The following CPQ variants were observed in gnomAD, a reference collection of about 807,000 sequenced individuals.
CPQ encodes the protein carboxypeptidase Q.
A neutral mutation model predicts 45.7 loss-of-function variants in CPQ; 37 were observed. The observed-to-expected ratio is 0.81, with a 90% CI of 0.62 to 1.07. The LOEUF is 1.07. Among genes scored for constraint, CPQ ranks in the 50% least tolerant of loss-of-function variants. The pLI is 0.00. For missense variants in CPQ, 537 were observed against 572.9 expected (o/e 0.94, Z 0.64); for synonymous variants, 186 against 205.8 (o/e 0.90, Z 0.82).
Position 96,767,635 on chromosome 8 carries a change from C to CTTTTTTTTTTTTTTTTTTT in CPQ, c.-34-17221_-34-17203dup, listed in dbSNP as rs1172189500. Reference sequence around the variant, plus strand: ...AATCCCTTTCAGCTGGTTACCTATGCTTTTTTTTTTTTTTTTTTTTTTTTT... The same window carrying CTTTTTTTTTTTTTTTTTTT: ...AATCCCTTTCAGCTGGTTACCTATGCTTTTTTTTTTTTTTTTTTTTTTTTTTTTTTTTTTTTTTTTTTTT... On this transcript the variant is annotated intron_variant, in intron 1 of 7. Transcript: ENST00000220763. Among the ~76,000 whole-genome samples the CTTTTTTTTTTTTTTTTTTT allele has an allele frequency of 5.9e-4, 23 of 39,314 alleles. 2 individuals carry two copies. Among genetic ancestry groups the CTTTTTTTTTTTTTTTTTTT allele is most frequent in the Non-Finnish European group, 9.2e-4 (21 of 22,874 alleles). 25.8% of individuals were successfully genotyped at this position (39,314 alleles called of 152,430 possible).
intron 1 of CPQ, chr8:96,761,399 C>T (rs1397915892): frequency 6.6e-6 from 1 of 152,274 alleles, no homozygotes; most frequent in Non-Finnish European, 1.5e-5. Flanking sequence ...TAGTGTTCCT[C>T]TCCCAGTGGT....
chr8:96,706,693 G>A (rs1275361102), intron 1 of CPQ, among the ~76,000 whole-genome samples: 1 of 152,134 alleles, frequency 6.6e-6, no homozygotes, highest in East Asian at 1.9e-4. Flanking sequence ...GACAGTAACT[G>A]CTTTACATTT....
chr8:96,812,426 G>A (rs1197793219), intron 2 of CPQ, among the ~76,000 whole-genome samples: 1 of 152,020 alleles, frequency 6.6e-6, no homozygotes, highest in Non-Finnish European at 1.5e-5. Context: ...GCTGTTCATG[G>A]AAAAAAATGC....
chr8:96,921,455 A>C (rs1563529446), intron 4 of CPQ, among the ~76,000 whole-genome samples: 2 of 152,194 alleles, frequency 1.3e-5, no homozygotes, highest in East Asian at 3.9e-4. Flanking sequence ...ATGTTGATAT[A>C]CCTCTTGTTT....
intron 2 of CPQ, among the ~76,000 whole-genome samples, chr8:96,813,239 C>T (rs947498167): frequency 5.9e-5 from 9 of 152,092 alleles, no homozygotes; most frequent in African/African-American, 2.2e-4. Context: ...ATATTCTAGG[C>T]ACTTCTGGTG....
intron 6 of CPQ, among the ~76,000 whole-genome samples, chr8:97,032,358 G>A (rs959114796): frequency 3.3e-5 from 5 of 152,170 alleles, no homozygotes; most frequent in African/African-American, 1.2e-4. Flanking sequence ...CAGGCAGGGG[G>A]ATAGTAGGAG....
chr8:97,139,491 T>C (rs758124711), intron 7 of CPQ, among the ~76,000 whole-genome samples: 1 of 152,060 alleles, frequency 6.6e-6, no homozygotes, highest in Non-Finnish European at 1.5e-5. Flanking sequence ...ATGCATCACA[T>C]ACTAGGCCAT....
At chr8:96,754,490 T>C (rs1192438877) in intron 1 of CPQ, among the ~76,000 whole-genome samples, 8 of 152,022 alleles carry the variant, frequency 5.3e-5, no homozygotes, top group Admixed American at 5.3e-4. Flanking sequence ...TTTCCTACTT[T>C]AACCTACCCT....
chr8:96,825,860 A>C (rs1811373434), intron 2 of CPQ, among the ~76,000 whole-genome samples: 1 of 152,074 alleles, frequency 6.6e-6, no homozygotes, highest in African/African-American at 2.4e-5. Flanking sequence ...ATTTTCATAG[A>C]GTTATTTTAG....
chr8:96,912,443 T>A (rs1812677320), intron 4 of CPQ, among the ~76,000 whole-genome samples: 1 of 152,122 alleles, frequency 6.6e-6, no homozygotes, highest in African/African-American at 2.4e-5. Flanking sequence ...CCTTTTAATG[T>A]CAGAAAAAAA....
rs149476038 is a variant in CPQ, at chr8:96,908,747, G to GCGCGCGCACACACACACACA, written c.849+28743_849+28744insGCGCGCACACACACACACAC. On this transcript the variant is annotated intron_variant, in intron 4 of 7. Coordinates refer to ENST00000220763, the MANE Select transcript of CPQ (RefSeq NM_016134.4). ...TCTCTTTTCAGTTTTATACACATGC[G>GCGCGCGCACACACACACACA]CACACACACACACACACACACACAC... Among the ~76,000 whole-genome samples, 809 of 140,990 alleles carry GCGCGCGCACACACACACACA rather than the reference G, an allele frequency of 5.7e-3. 8 individuals are homozygous for GCGCGCGCACACACACACACA. The highest frequency in any genetic ancestry group is 0.02 in the African/African-American group (785 of 38,686). The allele number at this position is 140,990 out of a possible 152,430, so 92.5% of individuals were successfully genotyped here. A position where few individuals can be genotyped will look rare whatever the true frequency, so the allele number is the denominator to read the frequency against.
In CPQ at chr8:96,795,093, G is replaced by A. The variant is rs543896261; in HGVS notation, c.433+9763G>A. Among the ~76,000 whole-genome samples the A allele has an allele frequency of 2.5e-4, 38 of 152,166 alleles. 1 individual carries two copies. Among genetic ancestry groups the A allele is most frequent in the Admixed American group, 1.0e-3 (16 of 15,282 alleles). On this transcript the variant is annotated intron_variant, in intron 2 of 7. Coordinates refer to ENST00000220763, the MANE Select transcript of CPQ (RefSeq NM_016134.4). ...CATTTTTGGGTATCTTTTCAGCAGC[G>A]CCCCAGTCTACTGGTACCAATTTAC...
At chr8:97,133,262 A>G (rs1445517149) in intron 7 of CPQ, 1 of 151,974 alleles carries the variant, frequency 6.6e-6, no homozygotes, top group Non-Finnish European at 1.5e-5. Flanking sequence ...TTCCCCCAAT[A>G]CTCCTCATAC....
At chr8:96,728,841 T>C (rs1262257681) in intron 1 of CPQ, among the ~76,000 whole-genome samples, 1 of 152,132 alleles carries the variant, frequency 6.6e-6, no homozygotes. Flanking sequence ...ACAAGTCGAT[T>C]AGCTTAAACC....
Position 96,784,956 on chromosome 8 carries a change from G to T in CPQ, c.59G>T (p.Gly20Val), listed in dbSNP as rs747054913. The T allele has an allele frequency of 1.9e-6, 3 of 1,613,464 alleles. No homozygotes were observed. The highest frequency in any genetic ancestry group is 1.1e-5 in the South Asian group (1 of 91,052). Residue 20 changes from glycine (G) to valine (V), a missense_variant, in exon 2 of 8, where the codon GGG (glycine) becomes GTG (valine). Transcript: ENST00000220763. ...GGVHLLSLCS[G>V]KAICKNGISK... ...GTTCACCTTTTATCCCTGTGCTCTG[G>T]GAAAGCTATATGCAAGAATGGCATC...
rs117801515 is a variant in CPQ, at chr8:97,020,672, G to A, written c.962-8731G>A. On this transcript the variant is annotated intron_variant, in intron 5 of 7. Transcript: ENST00000220763. ...AGATACAACCTTCCTAGCTTAGATC[G>A]GAAAGAATTAGATATTCTGAACAGA... Among the ~76,000 whole-genome samples, 311 of 151,956 alleles carry A rather than the reference G, an allele frequency of 2.0e-3. 2 individuals are homozygous for A. Among genetic ancestry groups the A allele is most frequent in the South Asian group, 4.2e-3 (20 of 4,806 alleles).
intron 4 of CPQ, among the ~76,000 whole-genome samples, chr8:96,946,246 AACAGAT>A (rs1444201092): frequency 3.3e-5 from 5 of 152,284 alleles, no homozygotes; most frequent in African/African-American, 1.2e-4. Flanking sequence ...GGACTTCTAA[AACAGAT>A]ACTTGCATTG....
chr8:96,654,938 T>G (rs565498571), intron 1 of CPQ, among the ~76,000 whole-genome samples: 18 of 152,184 alleles, frequency 1.2e-4, no homozygotes, highest in Admixed American at 6.5e-4. Context: ...TTGTGGCTTT[T>G]TTTTTTTTTC....
chr8:96,764,147 A>C lies in CPQ; in HGVS notation c.-34-20717A>C, dbSNP rs183268678. On this transcript the variant is annotated intron_variant, in intron 1 of 7. Coordinates refer to ENST00000220763, the MANE Select transcript of CPQ (RefSeq NM_016134.4). ...GAAGCAACCCAAATCTCCATCAATA[A>C]GTGATTGGATAAATGAACTGTGTTA... Among the ~76,000 whole-genome samples the C allele has an allele frequency of 4.8e-4, 73 of 152,300 alleles. 1 individual carries two copies. The highest frequency in any genetic ancestry group is 1.8e-3 in the African/African-American group (73 of 41,542).
Sources: gnomAD v4.1 joint callset for allele counts (sites outside exome capture counted in the v4.1 genomes callset) on GRCh38, gnomAD v4.1.1 for gene constraint, MANE v1.5 for transcripts, NCBI Gene and HGNC (gene_info 2026-07-23, HGNC 2026-07-21) for gene names.